ATRX: variants seen among roughly 807,000 people sequenced by gnomAD.
ATRX encodes chromatin remodeler ATRX.
In ATRX, 12 loss-of-function variants were observed where a neutral mutation model predicts 172.6. The observed-to-expected ratio is 0.07, with a 90% confidence interval of 0.04 to 0.11. The LOEUF (loss-of-function observed/expected upper bound fraction) is 0.11. Ranked by LOEUF, ATRX falls within the 10% of genes least tolerant of loss-of-function variation. The pLI is 1.00. For missense variants in ATRX, 1,368 were observed against 1,767.4 expected (o/e 0.77, Z 4.05); for synonymous variants, 674 against 594.7 (o/e 1.13, Z -1.94).
chrX:77,743,869 T>C (rs2074969618), intron 1 of ATRX, among the ~76,000 whole-genome samples: 1 of 111,875 alleles, frequency 8.9e-6, no homozygotes, highest in African/African-American at 3.2e-5. Flanking sequence ...GGCACATGGA[T>C]AGACATGCTT....
In ATRX at chrX:77,681,842, T is replaced by C. The variant is rs2071218605; in HGVS notation, c.3414A>G (p.Arg1138=). ...RLKRIELRER[R]NLSSKRNTKE... ...TAGTATTTCTCTTTGAACTTAAATT[T>C]CTTCTTTCCCTCAATTCTATTCTTT... The change falls in exon 9 of 35, where the codon AGA becomes AGG. Residue 1138 remains arginine (R), a synonymous_variant. Coordinates refer to ENST00000373344, the MANE Select transcript of ATRX (RefSeq NM_000489.6). 1 of 1,198,997 alleles carries C rather than the reference T, an allele frequency of 8.3e-7. No homozygotes were observed. The highest frequency in any genetic ancestry group is 1.8e-5 in the African/African-American group (1 of 56,558).
At chrX:77,563,322 T>C (rs1330390978) in intron 28 of ATRX, among the ~76,000 whole-genome samples, 2 of 112,655 alleles carry the variant, frequency 1.8e-5, no homozygotes, top group Non-Finnish European at 3.7e-5. Flanking sequence ...ATTGTTTCAA[T>C]ACCAGTTTTT....
intron 6 of ATRX, among the ~76,000 whole-genome samples, chrX:77,693,346 T>C (rs1316914486): frequency 1.8e-5 from 2 of 112,097 alleles, no homozygotes; most frequent in African/African-American, 6.5e-5. Context: ...AAGAACAAAC[T>C]GGAGTACATT....
chrX:77,766,179 T>C (rs1230592514), intron 1 of ATRX, among the ~76,000 whole-genome samples: 2 of 112,932 alleles, frequency 1.8e-5, no homozygotes, highest in African/African-American at 3.2e-5. Context: ...ACTGTCATCA[T>C]GGCCCGTTCT....
intron 26 of ATRX, among the ~76,000 whole-genome samples, chrX:77,592,683 G>A (rs1056276234): frequency 2.8e-5 from 3 of 108,456 alleles, no homozygotes; most frequent in Middle Eastern, 4.7e-3. Context: ...GTGGTGGTGC[G>A]TGCCTGGAAT....
rs560411888 is a variant in ATRX at position 77,774,220 on chromosome X, C to CA, written c.20+11761dup. On this transcript the variant is annotated intron_variant, in intron 1 of 34. Coordinates refer to ENST00000373344, the MANE Select transcript of ATRX (RefSeq NM_000489.6). ...CTGGGCAACAAGAGCAAAACTGTCT[C>CA]AAAAAAAAAAAAATGGCAAGGTGAG... is the stretch of plus-strand genomic sequence containing the variant. Among the ~76,000 whole-genome samples, 183 of 85,922 alleles carry CA rather than the reference C, an allele frequency of 2.1e-3. 2 individuals are homozygous for CA. Among genetic ancestry groups the CA allele is most frequent in the Middle Eastern group, 0.013 (2 of 157 alleles). The allele number at this position is 85,922 out of a possible 115,157, so 74.6% of individuals were successfully genotyped here.
At chrX:77,778,457 T>G (rs1200583716) in intron 1 of ATRX, among the ~76,000 whole-genome samples, 1 of 105,855 alleles carries the variant, frequency 9.4e-6, no homozygotes, top group African/African-American at 3.5e-5. Context: ...GCGCGGTGGC[T>G]CACGCCTGTA....
chrX:77,717,601 C>CAA (rs1266020316), intron 1 of ATRX, among the ~76,000 whole-genome samples: 1 of 33,285 alleles, frequency 3.0e-5, no homozygotes, highest in African/African-American at 1.0e-4. Flanking sequence ...GACCCTGTCT[C>CAA]AAAAAAAAAA....
chrX:77,688,517 C>T (rs1373841294), intron 7 of ATRX, among the ~76,000 whole-genome samples: 1 of 111,401 alleles, frequency 9.0e-6, no homozygotes, highest in African/African-American at 3.3e-5. Context: ...GTTGCCTCTT[C>T]CCAGAACATG....
At chrX:77,524,167 G>A (rs1557042831) in intron 30 of ATRX, among the ~76,000 whole-genome samples, 1 of 111,456 alleles carries the variant, frequency 9.0e-6, no homozygotes, top group Non-Finnish European at 1.9e-5. Flanking sequence ...TAGATGGGGT[G>A]GGGGTTTAAA....
At chrX:77,510,464 TG>T (rs1465803219) in intron 34 of ATRX, among the ~76,000 whole-genome samples, 1 of 111,184 alleles carries the variant, frequency 9.0e-6, no homozygotes, top group African/African-American at 3.3e-5. Context: ...TCAGCCACAG[TG>T]GGCTAGGGTA....
chrX:77,689,033 T>C (rs1419310994), intron 6 of ATRX, 106 bp from the exon 7 acceptor site: 8 of 616,878 alleles, frequency 1.3e-5, no homozygotes, highest in African/African-American at 2.2e-5. Flanking sequence ...TACCTCATAA[T>C]CCTTAGAAAA....
intron 19 of ATRX, among the ~76,000 whole-genome samples, chrX:77,625,607 A>T (rs2067798360): frequency 8.9e-6 from 1 of 112,573 alleles, no homozygotes; most frequent in Admixed American, 9.3e-5. Flanking sequence ...ACAATTCTCA[A>T]AAGAAGATAT....
chrX:77,785,585 C>A (rs1333372326), intron 1 of ATRX, among the ~76,000 whole-genome samples: 2 of 96,576 alleles, frequency 2.1e-5, no homozygotes, highest in African/African-American at 7.6e-5. Context: ...TCTCACCCTC[C>A]CCCCGCTTCT....
At chrX:77,585,583 CAAAAAAAAAAAAAAAAAAAAAAAAA>C (rs781792876) in intron 27 of ATRX, among the ~76,000 whole-genome samples, 8 of 8,547 alleles carry the variant, frequency 9.4e-4, no homozygotes, top group East Asian at 9.5e-3. Context: ...CTCCCCCCAC[CAAAAAAAAAAAAAAAAAAAAAAAAA>C]AAAAAAAAAA....
intron 2 of ATRX, among the ~76,000 whole-genome samples, chrX:77,707,100 A>C (rs2072868854): frequency 8.9e-6 from 1 of 112,627 alleles, no homozygotes; most frequent in African/African-American, 3.2e-5. Flanking sequence ...CATTGTGCTA[A>C]GTAAAATATG....
At chrX:77,719,290 C>T (rs913333153) in intron 1 of ATRX, among the ~76,000 whole-genome samples, 2 of 111,122 alleles carry the variant, frequency 1.8e-5, no homozygotes, top group Non-Finnish European at 3.8e-5. Flanking sequence ...GGGGAAAAGA[C>T]TTAGATATAC....
At chrX:77,509,317 G>C (rs1337431331) in intron 34 of ATRX, among the ~76,000 whole-genome samples, 4 of 112,088 alleles carry the variant, frequency 3.6e-5, no homozygotes, top group African/African-American at 9.7e-5. Context: ...ACACTGATAA[G>C]TATACTACTA....
rs141831249 is a variant in ATRX at position 77,659,389 on chromosome X, T to C, written c.4121-2736A>G. Among the ~76,000 whole-genome samples, 690 of 109,963 alleles carry C rather than the reference T, an allele frequency of 6.3e-3. 10 individuals are homozygous for C. The highest frequency in any genetic ancestry group is 0.049 in the East Asian group (172 of 3,518). ...AAAATTTTTGAAATCTACCAAAAAT[T>C]TGAAAGAATTATTGAATGAACACTT... On this transcript the variant is annotated intron_variant, in intron 12 of 34. Transcript: ENST00000373344.
Sources: allele counts gnomAD v4.1 joint callset (sites outside exome capture counted in the v4.1 genomes callset), GRCh38; gene constraint gnomAD v4.1.1; transcripts MANE v1.5; gene names NCBI Gene and HGNC (gene_info 2026-07-23, HGNC 2026-07-21).